The following CENPE variants were observed in gnomAD, a reference collection of about 807,000 sequenced individuals.
CENPE encodes the protein centromere protein E, also known as centromere-associated protein E.
Under a neutral mutation model 336.1 loss-of-function variants are expected in CENPE, and 145 were observed. The ratio of observed to expected loss-of-function variants is 0.43; its 90% confidence interval spans 0.38 to 0.50. The LOEUF is 0.50. Ranked by LOEUF, CENPE falls within the 20% of genes least tolerant of loss-of-function variation. CENPE has a pLI of 0.00. For synonymous variants in CENPE, 1,013 were observed against 984.8 expected (o/e 1.03, Z -0.54); for missense variants, 2,719 against 3,023.3 (o/e 0.90, Z 2.36).
chr4:103,198,247 T>C lies in CENPE; in HGVS notation c.56+17A>G. ...CGCAGGCCCAGCGGGCACCGGGCCGTGGTGTGGCCCCCCTACCTGCTGTTC... is the reference window on the plus strand; with the variant it reads ...CGCAGGCCCAGCGGGCACCGGGCCGCGGTGTGGCCCCCCTACCTGCTGTTC... On this transcript the variant is annotated intron_variant, in intron 1 of 48. Transcript: ENST00000265148. 1 of 1,549,290 alleles carries C rather than the reference T, an allele frequency of 6.5e-7. No individual in the cohort carries two copies. Among genetic ancestry groups the C allele is most frequent in the Non-Finnish European group, 8.7e-7 (1 of 1,146,408 alleles).
chr4:103,133,923 A>T, intron 40 of CENPE, 31 bp from the exon 41 acceptor site: 2 of 1,444,248 alleles, frequency 1.4e-6, no homozygotes, highest in Non-Finnish European at 1.9e-6. Flanking sequence ...AAATTGGTAA[A>T]TGAAAATTTT....
chr4:103,110,431 T>C (rs1749295537), intron 47 of CENPE, among the ~76,000 whole-genome samples: 1 of 152,214 alleles, frequency 6.6e-6, no homozygotes, highest in Non-Finnish European at 1.5e-5. Context: ...GAAAAGATTC[T>C]ACTCTTCCAC....
chr4:103,141,996 A>T (rs1307725857), intron 34 of CENPE, 88 bp from the exon 35 acceptor site: 1 of 810,356 alleles, frequency 1.2e-6, no homozygotes, highest in Non-Finnish European at 1.9e-6. Context: ...TAGTAAAAAT[A>T]ATAACACTGT....
intron 24 of CENPE, 151 bp from the exon 25 acceptor site, chr4:103,153,401 A>T (rs1753719993): frequency 1.6e-6 from 1 of 609,926 alleles, no homozygotes; most frequent in Admixed American, 3.2e-5. Context: ...TGAGGTAGGT[A>T]TTACCATAAT....
intron 21 of CENPE, among the ~76,000 whole-genome samples, chr4:103,160,049 T>C (rs1420786268): frequency 6.6e-6 from 1 of 151,962 alleles, no homozygotes; most frequent in Non-Finnish European, 1.5e-5. Flanking sequence ...AAAAACTACC[T>C]ATTTTTGAAG....
At chr4:103,151,889 A>G (rs913493168) in intron 25 of CENPE, among the ~76,000 whole-genome samples, 1 of 152,224 alleles carries the variant, frequency 6.6e-6, no homozygotes, top group Admixed American at 6.5e-5. Context: ...CTGAGAAGAA[A>G]ATACCATTGT....
In CENPE at chr4:103,195,939, A is replaced by G; in HGVS notation, c.338T>C (p.Ile113Thr). 1 of 1,612,662 alleles carries G rather than the reference A, an allele frequency of 6.2e-7. No homozygotes were observed. Among genetic ancestry groups the G allele is most frequent in the Non-Finnish European group, 8.5e-7 (1 of 1,178,744 alleles). The part of the protein sequence containing the change: ...LGVIPRAIHD[I>T]FQKIKKFPDR... The stretch of plus-strand genomic sequence containing the variant: ...ACTTACCTTCTTAATTTTTTGGAAA[A>G]TGTCATGAATTGCCCTGGGTATAAC... Residue 113 changes from isoleucine (I) to threonine (T), a missense_variant, in exon 4 of 49, where the codon ATT (isoleucine) becomes ACT (threonine). Coordinates refer to ENST00000265148, the MANE Select transcript of CENPE (RefSeq NM_001813.3).
At chr4:103,134,968 T>G (rs1751942172) in intron 40 of CENPE, among the ~76,000 whole-genome samples, 1 of 152,254 alleles carries the variant, frequency 6.6e-6, no homozygotes, top group South Asian at 2.1e-4. Context: ...CAGTCCATAT[T>G]CTGACTCTCT....
At position 103,185,414 on chromosome 4, in the gene CENPE, T is replaced by C. The variant is rs117320424; in HGVS notation, c.745+396A>G. 8.5e-4 allele frequency among the ~76,000 whole-genome samples: 130 copies of C among 152,176 alleles called. 1 individual carries two copies. The East Asian group carries it at 0.019, about 23-fold the overall frequency. ...GGTTATTATAAATGGAGTCTTTTTG[T>C]CTACTAAATATTTTAACTTGTTTTT... is the stretch of plus-strand genomic sequence containing the variant. On this transcript the variant is annotated intron_variant, in intron 9 of 48. Coordinates refer to ENST00000265148, the MANE Select transcript of CENPE (RefSeq NM_001813.3).
chr4:103,105,994 T>C lies in CENPE; in HGVS notation c.*228A>G. On this transcript the variant is annotated 3_prime_UTR_variant, in exon 49 of 49. Coordinates refer to ENST00000265148, the MANE Select transcript of CENPE (RefSeq NM_001813.3). Reference sequence around the variant, plus strand: ...AAAATATACAAATAAATAAAACAATTCAACTTTTAAAAGTATTACCATATG... The same window carrying C: ...AAAATATACAAATAAATAAAACAATCCAACTTTTAAAAGTATTACCATATG... The C allele has an allele frequency of 3.0e-6, 1 of 328,596 alleles. No homozygotes were observed. The highest frequency in any genetic ancestry group is 5.5e-6 in the Non-Finnish European group (1 of 182,070). The allele number at this position is 328,596 out of a possible 1,614,324, so 20.4% of individuals were successfully genotyped here. A position where few individuals can be genotyped will look rare whatever the true frequency, so the allele number is the denominator to read the frequency against.
rs1193127401 is a variant in CENPE, at chr4:103,153,171, A to T, written c.3113T>A (p.Ile1038Lys). ...AAATATCTTCCTTTGTTGCTCAATTATCTCATTATCCTTAACATCTGCAGT... is the reference window on the plus strand; with the variant it reads ...AAATATCTTCCTTTGTTGCTCAATTTTCTCATTATCCTTAACATCTGCAGT... Reference protein sequence around the residue: ...TLTADVKDNEIIEQQRKIFSL... With the variant: ...TLTADVKDNEKIEQQRKIFSL... Residue 1038 changes from isoleucine (I) to lysine (K), a missense_variant, in exon 25 of 49, where the codon ATA becomes AAA. By Grantham distance (102) the Ile-to-Lys change is moderately radical. Coordinates refer to ENST00000265148, the MANE Select transcript of CENPE (RefSeq NM_001813.3). 1.2e-6 allele frequency: 2 copies of T among 1,612,728 alleles called. No individual in the cohort carries two copies. Among genetic ancestry groups the T allele is most frequent in the Non-Finnish European group, 1.7e-6 (2 of 1,179,322 alleles).
At chr4:103,152,528 TAAGTA>T (rs1278823744) in intron 25 of CENPE, among the ~76,000 whole-genome samples, 1 of 152,180 alleles carries the variant, frequency 6.6e-6, no homozygotes, top group African/African-American at 2.4e-5. Flanking sequence ...ATATTTACCT[TAAGTA>T]AATAAAGCTA....
intron 8 of CENPE, among the ~76,000 whole-genome samples, chr4:103,190,631 C>G (rs556831996): frequency 1.3e-5 from 2 of 152,302 alleles, no homozygotes; most frequent in South Asian, 2.1e-4. Flanking sequence ...ACACCTTATA[C>G]AAAAATTAAT....
At chr4:103,197,182 G>A (rs576384238) in intron 1 of CENPE, among the ~76,000 whole-genome samples, 1 of 152,268 alleles carries the variant, frequency 6.6e-6, no homozygotes, top group East Asian at 1.9e-4. Flanking sequence ...AGCAGGGCAC[G>A]AGTCCTAGAT....
At chr4:103,126,245 G>C (rs1426235042) in intron 42 of CENPE, among the ~76,000 whole-genome samples, 3 of 152,066 alleles carry the variant, frequency 2.0e-5, no homozygotes, top group Non-Finnish European at 4.4e-5. Flanking sequence ...TGGCAGGAGA[G>C]GAGAAAAGGA....
intron 44 of CENPE, among the ~76,000 whole-genome samples, chr4:103,116,917 A>G (rs1750171095): frequency 6.6e-6 from 1 of 152,166 alleles, no homozygotes; most frequent in Non-Finnish European, 1.5e-5. Context: ...GAGCTATCAT[A>G]ATATGCAATT....
intron 8 of CENPE, among the ~76,000 whole-genome samples, chr4:103,188,040 G>C (rs1435576695): frequency 6.6e-6 from 1 of 151,880 alleles, no homozygotes; most frequent in African/African-American, 2.4e-5. Context: ...GATCAAAAGA[G>C]ACAAAGAAGG....
At chr4:103,172,686 A>T (rs1755510879) in intron 16 of CENPE, among the ~76,000 whole-genome samples, 1 of 152,042 alleles carries the variant, frequency 6.6e-6, no homozygotes, top group Admixed American at 6.6e-5. Context: ...GATCCTATAT[A>T]CAGAAAACCC....
chr4:103,180,335 G>A lies in CENPE; in HGVS notation c.1218C>T (p.Ser406=). The stretch of plus-strand genomic sequence containing the variant: ...CCTTTAATTCCTGTTGCAACGTGAG[G>A]GAAGAAGAGGTCACCAGCATCCGTG... The part of the protein sequence containing the change: ...NLTRMLVTSS[S]LTLQQELKAK... The change falls in exon 13 of 49, where the codon TCC becomes TCT. Residue 406 remains serine (S), a synonymous_variant. Transcript: ENST00000265148. 1 of 1,611,936 alleles carries A rather than the reference G, an allele frequency of 6.2e-7. No homozygotes were observed. The highest frequency in any genetic ancestry group is 1.1e-5 in the South Asian group (1 of 90,706).
Sources: allele counts gnomAD v4.1 joint callset (sites outside exome capture counted in the v4.1 genomes callset), GRCh38; gene constraint gnomAD v4.1.1; transcripts MANE v1.5; gene names NCBI Gene and HGNC (gene_info 2026-07-23, HGNC 2026-07-21).